Variants in LRRD1 observed in about 807,000 individuals in gnomAD.
LRRD1 encodes leucine rich repeats and death domain containing 1.
A neutral mutation model predicts 69.5 loss-of-function variants in LRRD1; 49 were observed. The ratio of observed to expected loss-of-function variants is 0.70; its 90% confidence interval spans 0.56 to 0.89. LRRD1 has a LOEUF of 0.89. LRRD1 is among the 40% of genes least tolerant of loss of function. The pLI is 0.00. For synonymous variants in LRRD1, 303 were observed against 338.9 expected, an observed-to-expected ratio of 0.89 and a Z score of 1.16; for missense variants, 853 against 956.0, an observed-to-expected ratio of 0.89 and a Z score of 1.42.
At chr7:92,172,307 A>T (rs1789074210) in intron 1 of LRRD1, among the ~76,000 whole-genome samples, 1 of 152,132 alleles carries the variant, frequency 6.6e-6, no homozygotes, top group Non-Finnish European at 1.5e-5. Context: ...CACTCTCACC[A>T]CTCTTATTCA....
At chr7:92,145,607 T>C (rs1391016246) in intron 5 of LRRD1, among the ~76,000 whole-genome samples, 3 of 151,952 alleles carry the variant, frequency 2.0e-5, no homozygotes, top group African/African-American at 7.2e-5. Flanking sequence ...ACCGGGCTAA[T>C]TTTTTGTATT....
intron 1 of LRRD1, among the ~76,000 whole-genome samples, chr7:92,167,876 C>CAAAAAAAAAAAAAAAA (rs542619786): frequency 3.0e-4 from 14 of 46,196 alleles, no homozygotes; most frequent in African/African-American, 1.2e-3. Flanking sequence ...GACTCTGTCT[C>CAAAAAAAAAAAAAAAA]AAAAAAAAAA....
chr7:92,170,020 G>A (rs1036389998), intron 1 of LRRD1, among the ~76,000 whole-genome samples: 2 of 150,726 alleles, frequency 1.3e-5, no homozygotes, highest in South Asian at 2.1e-4. Flanking sequence ...CAGTTAAGCT[G>A]AGCCAAGATC....
chr7:92,178,261 C>T (rs956554461), intron 1 of LRRD1, among the ~76,000 whole-genome samples: 4 of 151,948 alleles, frequency 2.6e-5, no homozygotes, highest in African/African-American at 9.7e-5. Flanking sequence ...TGCGGTGAGC[C>T]GAGATCACGC....
At chr7:92,160,330 C>T (rs534915766) in intron 2 of LRRD1, among the ~76,000 whole-genome samples, 11 of 151,900 alleles carry the variant, frequency 7.2e-5, no homozygotes, top group African/African-American at 1.9e-4. Context: ...TCCAACTTCA[C>T]GGAGATTAAA....
chr7:92,172,580 C>T (rs1253854771), intron 1 of LRRD1, among the ~76,000 whole-genome samples: 1 of 151,784 alleles, frequency 6.6e-6, no homozygotes, highest in Non-Finnish European at 1.5e-5. Context: ...AGAAAGCAAT[C>T]CCACTTAGAA....
At chr7:92,143,003 C>T (rs371010151), downstream of LRRD1, 7 of 241,648 alleles carry the variant, frequency 2.9e-5, no homozygotes, top group Middle Eastern at 1.5e-3. Flanking sequence ...TGGCCCCACC[C>T]ACGTCCTGCT....
chr7:92,155,973 T>A (rs1788650244), intron 3 of LRRD1, among the ~76,000 whole-genome samples: 1 of 152,194 alleles, frequency 6.6e-6, no homozygotes, highest in Non-Finnish European at 1.5e-5. Flanking sequence ...CTGATTAGAT[T>A]GTGCCCACCC....
chr7:92,158,959 A>G, intron 3 of LRRD1, 46 bp downstream of exon 3: 1 of 1,467,536 alleles, frequency 6.8e-7, no homozygotes, highest in Non-Finnish European at 9.1e-7. Context: ...TCAGACATTA[A>G]TACTCTACTT....
chr7:92,173,473 G>C (rs1040410425), intron 1 of LRRD1, among the ~76,000 whole-genome samples: 6 of 152,106 alleles, frequency 3.9e-5, no homozygotes, highest in African/African-American at 1.2e-4. Flanking sequence ...ACCAGAATAT[G>C]TAAGGAGCTC....
At chr7:92,166,056 T>C (rs984502818) in intron 1 of LRRD1, among the ~76,000 whole-genome samples, 5 of 152,138 alleles carry the variant, frequency 3.3e-5, no homozygotes, top group Admixed American at 1.3e-4. Context: ...GTACGCTTTC[T>C]GTAAGAGTAA....
At chr7:92,144,237 CTG>C (rs2130974724), downstream of LRRD1, among the ~76,000 whole-genome samples, 1 of 152,308 alleles carries the variant, frequency 6.6e-6, no homozygotes, top group African/African-American at 2.4e-5. Flanking sequence ...TAAAAAGAAA[CTG>C]TTCTGCTTTC....
chr7:92,142,280 C>T (rs1820172705), downstream of LRRD1: 1 of 356,632 alleles, frequency 2.8e-6, no homozygotes. Context: ...GGTCTCTTTC[C>T]ATTCAAAGTT....
At chr7:92,149,582 AGAGAGCTCAAG>A (rs1465287270) in intron 4 of LRRD1, among the ~76,000 whole-genome samples, 1 of 152,244 alleles carries the variant, frequency 6.6e-6, no homozygotes, top group Admixed American at 6.5e-5. Context: ...GACACACAAC[AGAGAGCTCAAG>A]GACGGATGGG....
At chr7:92,162,523 T>C (rs924830103) in intron 2 of LRRD1, among the ~76,000 whole-genome samples, 6 of 152,170 alleles carry the variant, frequency 3.9e-5, no homozygotes, top group Non-Finnish European at 7.4e-5. Flanking sequence ...ATTATTTCCA[T>C]AAAACTTACT....
rs969968662 is a variant in LRRD1, at chr7:92,164,624, T to C, written c.579A>G (p.Leu193=). The C allele has an allele frequency of 1.9e-6, 3 of 1,551,748 alleles. No individual in the cohort carries two copies. Among genetic ancestry groups the C allele is most frequent in the African/African-American group, 2.7e-5 (2 of 73,062 alleles). Residue 193 remains leucine (L), a synonymous_variant, in exon 2 of 6, where the codon CTA becomes CTG. Transcript: ENST00000458448. ...ATGATAATCCATTTTCTTGCAGGGA[T>C]AGAATTTCAAGTCCTAACAGATCAC... ...DSGDLLGLEI[L]SLQENGLSSL...
At chr7:92,158,103 T>A (rs1788706869) in intron 3 of LRRD1, among the ~76,000 whole-genome samples, 1 of 152,142 alleles carries the variant, frequency 6.6e-6, no homozygotes, top group Non-Finnish European at 1.5e-5. Flanking sequence ...TACCCCCTTG[T>A]GTAGTCCCCT....
rs1433425423 is a variant in LRRD1, at chr7:92,159,164, G to A, written c.1957C>T (p.Leu653Phe). ...LPGELSNMTQ[L>F]KELDISNNAI... Reference sequence around the variant, plus strand: ...TTATTTGAGATATCAAGTTCTTTAAGTTGAGTCATATTAGATAGCTCTCCT... The same window carrying A: ...TTATTTGAGATATCAAGTTCTTTAAATTGAGTCATATTAGATAGCTCTCCT... Residue 653 changes from leucine (L) to phenylalanine (F), a missense_variant, in exon 3 of 6, where the codon CTT (leucine) becomes TTT (phenylalanine). Coordinates refer to ENST00000458448, the MANE Select transcript of LRRD1 (RefSeq NM_001161528.2). The A allele has an allele frequency of 2.0e-6, 3 of 1,538,064 alleles. No individual in the cohort carries two copies. Among genetic ancestry groups the A allele is most frequent in the African/African-American group, 2.8e-5 (2 of 72,116 alleles).
downstream of LRRD1, chr7:92,142,716 G>C (rs1820189910): frequency 2.4e-6 from 1 of 416,474 alleles, no homozygotes; most frequent in African/African-American, 2.1e-5. Context: ...GCTCAGGAGT[G>C]AAGCTGCAGA....
Sources: gnomAD v4.1 joint callset for allele counts (sites outside exome capture counted in the v4.1 genomes callset) on GRCh38, gnomAD v4.1.1 for gene constraint, MANE v1.5 for transcripts, NCBI Gene and HGNC (gene_info 2026-07-23, HGNC 2026-07-21) for gene names.